Variants in SH3BP5 observed in about 807,000 individuals in gnomAD.
SH3BP5 encodes SH3 domain-binding protein 5.
In SH3BP5, 22 loss-of-function variants were observed where a neutral mutation model predicts 43.3. The ratio of observed to expected loss-of-function variants is 0.51; its 90% confidence interval spans 0.36 to 0.73. The LOEUF (loss-of-function observed/expected upper bound fraction) is 0.73. SH3BP5 is among the 30% of genes least tolerant of loss of function. The probability of loss-of-function intolerance (pLI) is 0.00; values close to 1 mark genes in which losing one functional copy is unlikely to be tolerated. For missense variants in SH3BP5, 529 were observed against 586.9 expected, an observed-to-expected ratio of 0.90 and a Z score of 1.02; for synonymous variants, 255 against 225.8, an observed-to-expected ratio of 1.13 and a Z score of -1.16.
chr3:15,299,587 G>A (rs1013403145), intron 3 of SH3BP5, among the ~76,000 whole-genome samples: 6 of 138,716 alleles, frequency 4.3e-5, no homozygotes, highest in African/African-American at 1.6e-4. Context: ...TTGAACTTCT[G>A]TGCTCAAGCA....
In SH3BP5 at chr3:15,298,897, A is replaced by AGTGAATGTGCATTCACAAT. The variant is rs1187096952; in HGVS notation, c.330+5187_330+5205dup. ...GGATGGTGGTAAGAGTTGCACAGCA[A>AGTGAATGTGCATTCACAAT]GTGAATGTGCATTCACAATGTGAAT... On this transcript the variant is annotated intron_variant, in intron 3 of 8. Transcript: ENST00000383791. 5.3e-5 allele frequency among the ~76,000 whole-genome samples: 8 copies of AGTGAATGTGCATTCACAAT among 152,272 alleles called. No homozygotes were observed. In the South Asian group the frequency reaches 8.3e-4, roughly 16 times the overall value.
chr3:15,270,815 ACTTGGGAGGCT>A (rs1221815735), intron 3 of SH3BP5, among the ~76,000 whole-genome samples: 1 of 151,608 alleles, frequency 6.6e-6, no homozygotes, highest in East Asian at 1.9e-4. Context: ...AATCCCAGCT[ACTTGGGAGGCT>A]GAGGCAGAAG....
At chr3:15,316,922 G>A (rs775231194) in intron 2 of SH3BP5, among the ~76,000 whole-genome samples, 16 of 152,232 alleles carry the variant, frequency 1.1e-4, no homozygotes, top group Admixed American at 1.3e-4. Context: ...GGGGGACCCA[G>A]TGCTTTTTCA....
chr3:15,328,285 A>G (rs1698514706), intron 2 of SH3BP5, among the ~76,000 whole-genome samples: 1 of 152,218 alleles, frequency 6.6e-6, no homozygotes, highest in South Asian at 2.1e-4. Flanking sequence ...AGGGCTAAAA[A>G]GAGTTTAACA....
rs527940434 is a variant in SH3BP5, at chr3:15,294,327, G to A, written c.330+9776C>T. On this transcript the variant is annotated intron_variant, in intron 3 of 8. Coordinates refer to ENST00000383791, the MANE Select transcript of SH3BP5 (RefSeq NM_004844.5). ...TGTGTGTGTGTGTGTGTGTGTGTGT[G>A]TGTGCGCGCGCATGTTTACGTAACT... Among the ~76,000 whole-genome samples the A allele has an allele frequency of 1.4e-4, 20 of 140,162 alleles. 1 individual carries two copies. The South Asian group carries it at 3.9e-3, about 27-fold the overall frequency. 92.0% of individuals were successfully genotyped at this position (140,162 alleles called of 152,430 possible). A position where few individuals can be genotyped will look rare whatever the true frequency, so the allele number is the denominator to read the frequency against.
chr3:15,330,676 G>C, intron 1 of SH3BP5, 110 bp from the exon 2 acceptor site: 1 of 1,398,522 alleles, frequency 7.2e-7, no homozygotes, highest in Non-Finnish European at 9.3e-7. Flanking sequence ...GCAGGAAAAG[G>C]GAAGAATCAG....
intron 2 of SH3BP5, among the ~76,000 whole-genome samples, chr3:15,324,025 G>A (rs1033866570): frequency 1.3e-5 from 2 of 152,168 alleles, no homozygotes; most frequent in Admixed American, 6.5e-5. Context: ...AGAGCTATGG[G>A]GGCAGTGCAG....
At chr3:15,310,960 G>A (rs1028911316) in intron 2 of SH3BP5, among the ~76,000 whole-genome samples, 11 of 152,130 alleles carry the variant, frequency 7.2e-5, no homozygotes, top group Admixed American at 4.6e-4. Context: ...GAAGCACACA[G>A]GATGAGTCAG....
intron 8 of SH3BP5, 101 bp from the exon 9 acceptor site, chr3:15,256,404 G>A: frequency 7.6e-7 from 1 of 1,309,042 alleles, no homozygotes; most frequent in Admixed American, 1.9e-5. Context: ...ACAATTCTAA[G>A]TCACTTGAGC....
chr3:15,258,152 T>G (rs1290116021), intron 7 of SH3BP5: 1 of 152,224 alleles, frequency 6.6e-6, no homozygotes, highest in African/African-American at 2.4e-5. Context: ...AGGAAGGAGC[T>G]TGGGAAAGAG....
intron 3 of SH3BP5, among the ~76,000 whole-genome samples, chr3:15,292,938 G>C (rs969239420): frequency 1.1e-4 from 16 of 152,176 alleles, no homozygotes; most frequent in African/African-American, 3.9e-4. Context: ...CAAGCAGGAG[G>C]TGCAACCCTT....
At chr3:15,274,836 G>C (rs893182198) in intron 3 of SH3BP5, among the ~76,000 whole-genome samples, 1 of 152,172 alleles carries the variant, frequency 6.6e-6, no homozygotes, top group South Asian at 2.1e-4. Flanking sequence ...TTGCAGGTGT[G>C]AGCCGCCACA....
intron 3 of SH3BP5, among the ~76,000 whole-genome samples, chr3:15,294,242 T>A (rs761314160): frequency 3.3e-5 from 5 of 151,534 alleles, no homozygotes; most frequent in Non-Finnish European, 5.9e-5. Flanking sequence ...AGATAGCCCC[T>A]TAAGAGAACA....
intron 2 of SH3BP5, among the ~76,000 whole-genome samples, chr3:15,305,157 A>T (rs1390685203): frequency 6.6e-6 from 1 of 152,140 alleles, no homozygotes; most frequent in African/African-American, 2.4e-5. Flanking sequence ...AAAATTTTTT[A>T]ATTAACATGG....
At chr3:15,320,640 A>ACACACACACACACACACACACACCC (rs373879792) in intron 2 of SH3BP5, among the ~76,000 whole-genome samples, 1 of 149,560 alleles carries the variant, frequency 6.7e-6, no homozygotes, top group Non-Finnish European at 1.5e-5. Flanking sequence ...ACACACACAC[A>ACACACACACACACACACACACACCC]CCCCACTACG....
intron 5 of SH3BP5, 106 bp from the exon 6 acceptor site, chr3:15,259,909 T>A: frequency 2.0e-6 from 2 of 1,000,816 alleles, no homozygotes; most frequent in Non-Finnish European, 3.2e-6. Flanking sequence ...CAGGTCGTCC[T>A]TCCAATATTT....
chr3:15,282,831 C>G (rs1235419870), intron 3 of SH3BP5, among the ~76,000 whole-genome samples: 1 of 151,926 alleles, frequency 6.6e-6, no homozygotes, highest in African/African-American at 2.4e-5. Flanking sequence ...GGAGGGTGGA[C>G]GAAACCTGAT....
In SH3BP5 at chr3:15,332,340, C is replaced by A; in HGVS notation, c.69G>T (p.Glu23Asp). 1 of 1,543,326 alleles carries A rather than the reference C, an allele frequency of 6.5e-7. No homozygotes were observed. Among genetic ancestry groups the A allele is most frequent in the Non-Finnish European group, 8.7e-7 (1 of 1,148,408 alleles). Residue 23 changes from glutamate (E) to aspartate (D), a missense_variant, in exon 1 of 9, where the codon GAG becomes GAT. By Grantham distance (45) the Glu-to-Asp change is conservative. Around this residue, in one of 3 missense-constraint regions of SH3BP5, gnomAD observed 75 missense variants for 61.8 expected, o/e 1.21. Transcript: ENST00000383791. ...PAEILPPARD[E>D]EEEEEEGMEQ... ...CCATCCCCTCTTCCTCCTCCTCCTCCTCGTCCCGGGCAGGCGGCAGGATTT... is the reference window on the plus strand; with the variant it reads ...CCATCCCCTCTTCCTCCTCCTCCTCATCGTCCCGGGCAGGCGGCAGGATTT...
intron 2 of SH3BP5, among the ~76,000 whole-genome samples, chr3:15,311,603 C>G (rs1428044328): frequency 6.6e-6 from 1 of 152,128 alleles, no homozygotes; most frequent in Non-Finnish European, 1.5e-5. Flanking sequence ...TCCAGGTGAC[C>G]TAATGTCTTT....
Sources: gnomAD v4.1 joint callset for allele counts (sites outside exome capture counted in the v4.1 genomes callset) on GRCh38, gnomAD v4.1.1 for gene constraint, gnomAD v4.1.1 regional missense constraint, MANE v1.5 for transcripts, NCBI Gene and HGNC (gene_info 2026-07-23, HGNC 2026-07-21) for gene names.